The following DNTT variants were observed in gnomAD, a reference collection of about 807,000 sequenced individuals.
The protein encoded by DNTT is nucleosidetriphosphate:DNA deoxynucleotidylexotransferase.
In DNTT, 47 loss-of-function variants were observed where a neutral mutation model predicts 60.9. The ratio of observed to expected loss-of-function variants is 0.77; its 90% CI spans 0.61 to 0.98. The LOEUF (loss-of-function observed/expected upper bound fraction) is 0.98. Among genes scored for constraint, DNTT ranks in the 50% least tolerant of loss-of-function variants. The pLI, the probability that DNTT is intolerant of heterozygous loss-of-function variation, is 0.00. For missense variants in DNTT, 665 were observed against 627.5 expected (o/e 1.06, Z -0.64); for synonymous variants, 224 against 221.2 (o/e 1.01, Z -0.11).
At chr10:96,307,777 A>ATATTTTT (rs768634575) in intron 1 of DNTT, among the ~76,000 whole-genome samples, 14 of 126,020 alleles carry the variant, frequency 1.1e-4, no homozygotes, top group African/African-American at 4.3e-4. Flanking sequence ...ATATATATAT[A>ATATTTTT]TTTTTTTTTT....
At chr10:96,309,232 A>G (rs1844680278) in intron 1 of DNTT, among the ~76,000 whole-genome samples, 1 of 152,156 alleles carries the variant, frequency 6.6e-6, no homozygotes, top group Admixed American at 6.5e-5. Flanking sequence ...ACTGGAAGGC[A>G]TTGTCTTCAG....
Position 96,338,221 on chromosome 10 carries a change from C to G in DNTT, c.1527C>G (p.Ala509=). 6.2e-7 allele frequency: 1 copy of G among 1,606,604 alleles called. No homozygotes were observed. Among genetic ancestry groups the G allele is most frequent in the Non-Finnish European group, 8.5e-7 (1 of 1,177,860 alleles). The change falls in exon 11 of 11, where the codon GCC becomes GCG. Residue 509 remains alanine (A), a synonymous_variant. Transcript: ENST00000371174. ...LDYIEPWERN[A] The stretch of plus-strand genomic sequence containing the variant: ...ATATTGAACCGTGGGAAAGAAATGC[C>G]TAGGAAAGTGTTGTCAACATTTTTT...
At chr10:96,316,445 T>C (rs1844786777) in intron 1 of DNTT, among the ~76,000 whole-genome samples, 2 of 152,322 alleles carry the variant, frequency 1.3e-5, no homozygotes, top group South Asian at 4.1e-4. Flanking sequence ...ACTGTAGTGC[T>C]ATCAATGTTC....
chr10:96,338,393 G>T lies in DNTT; in HGVS notation c.*169G>T. The T allele has an allele frequency of 1.7e-6, 1 of 580,916 alleles. No individual in the cohort carries two copies. Among genetic ancestry groups the T allele is most frequent in the Non-Finnish European group, 3.0e-6 (1 of 335,546 alleles). The allele number at this position is 580,916 out of a possible 1,614,324, so 36.0% of individuals were successfully genotyped here. On this transcript the variant is annotated 3_prime_UTR_variant, in exon 11 of 11. Coordinates refer to ENST00000371174, the MANE Select transcript of DNTT (RefSeq NM_004088.4). ...AACATGGGAAGGTGCCACTGGTAAT[G>T]GGTAAGGTTCTAATAGGCCATGTTT... is the stretch of plus-strand genomic sequence containing the variant.
At chr10:96,333,751 A>G (rs978798423) in intron 9 of DNTT, among the ~76,000 whole-genome samples, 2 of 152,210 alleles carry the variant, frequency 1.3e-5, no homozygotes, top group African/African-American at 4.8e-5. Context: ...GTTTCTGTAT[A>G]TGTAGAATCT....
intron 1 of DNTT, among the ~76,000 whole-genome samples, chr10:96,309,993 C>CTTTGAAGAGG (rs1564869179): frequency 1.3e-5 from 2 of 152,208 alleles, no homozygotes; most frequent in African/African-American, 4.8e-5. Context: ...AGAGGTAACT[C>CTTTGAAGAGG]CGACTTTCAG....
chr10:96,332,398 C>G lies in DNTT; in HGVS notation c.1161C>G (p.Leu387=), dbSNP rs751774188. The change falls in exon 9 of 11, where the codon CTC becomes CTG. Residue 387 remains leucine (L), a synonymous_variant. Transcript: ENST00000371174. ...YDLVESTFEK[L]RLPSRKVDAL... ...TTGTGGAGTCAACATTTGAAAAGCT[C>G]AGGTTGCCTAGCAGGAAGGTTGATG... is the stretch of plus-strand genomic sequence containing the variant. 8 of 1,614,146 alleles carry G rather than the reference C, an allele frequency of 5.0e-6. No homozygotes were observed. The South Asian group carries it at 8.8e-5, about 18-fold the overall frequency.
intron 7 of DNTT, 141 bp from the exon 8 acceptor site, chr10:96,328,584 G>A (rs955260156): frequency 1.4e-6 from 1 of 711,714 alleles, no homozygotes; most frequent in African/African-American, 1.8e-5. Flanking sequence ...GTGTAACCAA[G>A]GATATTTTGT....
chr10:96,316,560 G>A (rs1844788559), intron 1 of DNTT, among the ~76,000 whole-genome samples: 1 of 152,106 alleles, frequency 6.6e-6, no homozygotes, highest in Non-Finnish European at 1.5e-5. Context: ...TACGAATTCA[G>A]CCACATCTAC....
chr10:96,324,504 T>A, intron 6 of DNTT, 115 bp downstream of exon 6: 2 of 1,451,144 alleles, frequency 1.4e-6, no homozygotes, highest in Non-Finnish European at 1.9e-6. Context: ...TTCTTTGATG[T>A]CCATTGATGC....
At chr10:96,327,004 C>T (rs1232462456) in intron 6 of DNTT, among the ~76,000 whole-genome samples, 2 of 152,206 alleles carry the variant, frequency 1.3e-5, no homozygotes, top group African/African-American at 4.8e-5. Context: ...AGCTAAACCA[C>T]CTAAGATATT....
In DNTT at chr10:96,328,478, A is replaced by AT. The variant is rs541374842; in HGVS notation, c.1008-240dup. Among the ~76,000 whole-genome samples, 13 of 152,126 alleles carry AT rather than the reference A, an allele frequency of 8.5e-5. No homozygotes were observed. The South Asian group carries it at 1.9e-3, about 22-fold the overall frequency. ...TTTGTGTGAGTGTGTAGAATAAATA[A>AT]TTTTTTTGTTATTTTTTGCCTTGAT... On this transcript the variant is annotated intron_variant, in intron 7 of 10. Coordinates refer to ENST00000371174, the MANE Select transcript of DNTT (RefSeq NM_004088.4).
chr10:96,328,443 T>C (rs1415710517), intron 7 of DNTT, among the ~76,000 whole-genome samples: 5 of 152,234 alleles, frequency 3.3e-5, no homozygotes, highest in Admixed American at 3.3e-4. Context: ...TATGTGTGGG[T>C]GCATGTAGGT....
At chr10:96,330,935 T>C (rs1452485227) in intron 8 of DNTT, among the ~76,000 whole-genome samples, 3 of 152,170 alleles carry the variant, frequency 2.0e-5, no homozygotes, top group African/African-American at 4.8e-5. Context: ...CCCAGTAGCT[T>C]GATGACATTA....
At chr10:96,329,191 C>A (rs182591047) in intron 8 of DNTT, among the ~76,000 whole-genome samples, 43 of 152,328 alleles carry the variant, frequency 2.8e-4, no homozygotes, top group Admixed American at 7.8e-4. Flanking sequence ...GGTGAGGGGG[C>A]AGGACTGCAA....
chr10:96,319,538 C>A, intron 3 of DNTT, 148 bp downstream of exon 3: 3 of 1,109,548 alleles, frequency 2.7e-6, no homozygotes, highest in Non-Finnish European at 3.8e-6. Context: ...TCTGATCCTT[C>A]TATCCTTCTT....
At chr10:96,312,029 G>T (rs866417344) in intron 1 of DNTT, among the ~76,000 whole-genome samples, 3 of 152,204 alleles carry the variant, frequency 2.0e-5, no homozygotes, top group African/African-American at 7.2e-5. Flanking sequence ...TAAAACCTAT[G>T]ATCTGAGATG....
In DNTT at chr10:96,338,440, C is replaced by T. The variant is rs1324486516; in HGVS notation, c.*216C>T. On this transcript the variant is annotated 3_prime_UTR_variant, in exon 11 of 11. Coordinates refer to ENST00000371174, the MANE Select transcript of DNTT (RefSeq NM_004088.4). ...GTTTATGACTGTTGCATAGAATTCA[C>T]AATGCATTTTTCAAGAGAAATGATG... The T allele has an allele frequency of 5.1e-6, 2 of 388,414 alleles. No homozygotes were observed. The highest frequency in any genetic ancestry group is 9.2e-6 in the Non-Finnish European group (2 of 217,840). 24.1% of individuals were successfully genotyped at this position (388,414 alleles called of 1,614,324 possible).
chr10:96,332,328 G>A, intron 8 of DNTT, 23 bp from the exon 9 acceptor site: 1 of 1,607,990 alleles, frequency 6.2e-7, no homozygotes, highest in Non-Finnish European at 8.5e-7. Flanking sequence ...GCCTTTTCCT[G>A]ATGCCATTCT....
Sources: allele counts gnomAD v4.1 joint callset (sites outside exome capture counted in the v4.1 genomes callset), GRCh38; gene constraint gnomAD v4.1.1; transcripts MANE v1.5; gene names NCBI Gene and HGNC (gene_info 2026-07-23, HGNC 2026-07-21).